Variants in DCC observed in about 807,000 individuals in gnomAD.
DCC encodes netrin receptor DCC.
Under a neutral mutation model 172.5 loss-of-function variants are expected in DCC, and 58 were observed. The observed-to-expected ratio is 0.34, with a 90% CI of 0.27 to 0.42. The LOEUF is 0.42. Ranked by LOEUF, DCC falls within the 10% of genes least tolerant of loss-of-function variation. DCC has a pLI of 1.00. For synonymous variants in DCC, 709 were observed against 644.5 expected (o/e 1.10, Z -1.52); for missense variants, 1,740 against 1,791.0 (o/e 0.97, Z 0.51).
At chr18:53,216,268 G>A (rs1332892386) in intron 12 of DCC, among the ~76,000 whole-genome samples, 1 of 152,118 alleles carries the variant, frequency 6.6e-6, no homozygotes, top group African/African-American at 2.4e-5. Context: ...ACCTAGTAGA[G>A]TATAACAAAT....
chr18:53,486,734 C>A (rs569485713), intron 25 of DCC, 63 bp from the exon 26 acceptor site: 1 of 1,610,564 alleles, frequency 6.2e-7, no homozygotes, highest in Admixed American at 1.7e-5. Context: ...CCACCGTTTT[C>A]TTTTTTGCTT....
At chr18:53,290,807 A>C (rs1025710375) in intron 12 of DCC, among the ~76,000 whole-genome samples, 4 of 152,150 alleles carry the variant, frequency 2.6e-5, no homozygotes, top group Non-Finnish European at 5.9e-5. Flanking sequence ...TTGCAATTAT[A>C]TTTCTCCCAT....
chr18:52,370,507 G>A (rs1474314770), intron 1 of DCC, among the ~76,000 whole-genome samples: 1 of 152,170 alleles, frequency 6.6e-6, no homozygotes, highest in African/African-American at 2.4e-5. Context: ...AGTGGGAACT[G>A]AATGATGAGA....
chr18:52,577,208 C>T (rs2033435491), intron 1 of DCC, among the ~76,000 whole-genome samples: 1 of 152,222 alleles, frequency 6.6e-6, no homozygotes, highest in Admixed American at 6.5e-5. Context: ...TATTTCTGCA[C>T]ATCCTTGCAG....
At chr18:52,620,146 G>A (rs1046635761) in intron 1 of DCC, among the ~76,000 whole-genome samples, 2 of 152,208 alleles carry the variant, frequency 1.3e-5, no homozygotes, top group African/African-American at 4.8e-5. Flanking sequence ...TGGATTTGGA[G>A]ACTGAATTTA....
At chr18:53,380,323 C>T (rs1446311879) in intron 15 of DCC, among the ~76,000 whole-genome samples, 1 of 152,188 alleles carries the variant, frequency 6.6e-6, no homozygotes, top group African/African-American at 2.4e-5. Context: ...CCCTCATTCT[C>T]TCTTGCTCCC....
chr18:52,920,562 T>C (rs919756846), intron 3 of DCC, among the ~76,000 whole-genome samples: 10 of 152,094 alleles, frequency 6.6e-5, no homozygotes, highest in African/African-American at 2.4e-4. Flanking sequence ...CTGACAAGGA[T>C]GTAGAACTTT....
intron 2 of DCC, among the ~76,000 whole-genome samples, chr18:52,872,698 T>C (rs73456897): frequency 2.6e-4 from 39 of 152,298 alleles, no homozygotes; most frequent in African/African-American, 9.4e-4. Context: ...GAACCCTCAA[T>C]GCAAAGACTT....
intron 1 of DCC, among the ~76,000 whole-genome samples, chr18:52,646,055 A>T (rs2035011909): frequency 6.6e-6 from 1 of 152,152 alleles, no homozygotes; most frequent in South Asian, 2.1e-4. Flanking sequence ...ACTGGAGAGG[A>T]GGAAGGGGTT....
intron 7 of DCC, among the ~76,000 whole-genome samples, chr18:53,067,752 A>G (rs770551477): frequency 1.3e-5 from 2 of 152,220 alleles, no homozygotes; most frequent in African/African-American, 2.4e-5. Flanking sequence ...ATCATGTTAC[A>G]TACATTTCAA....
At chr18:53,297,467 G>A (rs927670603) in intron 12 of DCC, among the ~76,000 whole-genome samples, 5 of 152,152 alleles carry the variant, frequency 3.3e-5, no homozygotes, top group African/African-American at 1.2e-4. Flanking sequence ...CAAGTGATAA[G>A]GATTAATTTC....
intron 26 of DCC, among the ~76,000 whole-genome samples, chr18:53,492,207 A>C (rs958191018): frequency 9.9e-5 from 15 of 152,138 alleles, no homozygotes; most frequent in African/African-American, 3.1e-4. Context: ...CTAAATAAAT[A>C]TTAGTCTTTT....
At chr18:52,444,589 A>AAT (rs1240245035) in intron 1 of DCC, among the ~76,000 whole-genome samples, 1 of 152,222 alleles carries the variant, frequency 6.6e-6, no homozygotes, top group Non-Finnish European at 1.5e-5. Context: ...TTTGCATTTG[A>AAT]ATATGGAATA....
At chr18:53,337,707 A>G (rs1239776647) in intron 14 of DCC, among the ~76,000 whole-genome samples, 1 of 152,230 alleles carries the variant, frequency 6.6e-6, no homozygotes, top group Non-Finnish European at 1.5e-5. Flanking sequence ...ATCTTTTGAA[A>G]AGCTTTAGAA....
At chr18:52,614,516 G>A (rs1370394318) in intron 1 of DCC, among the ~76,000 whole-genome samples, 4 of 152,176 alleles carry the variant, frequency 2.6e-5, no homozygotes, top group African/African-American at 9.7e-5. Context: ...GCTTGTGACA[G>A]TGTTGACGGC....
chr18:52,902,865 C>G (rs2039829574), intron 2 of DCC, among the ~76,000 whole-genome samples: 2 of 152,160 alleles, frequency 1.3e-5, no homozygotes, highest in Admixed American at 1.3e-4. Context: ...TTTATAATTT[C>G]TCACTATGAC....
At chr18:52,687,205 T>A (rs1269648152) in intron 1 of DCC, among the ~76,000 whole-genome samples, 1 of 152,038 alleles carries the variant, frequency 6.6e-6, no homozygotes, top group African/African-American at 2.4e-5. Context: ...TATGGATACA[T>A]CTTGAATCAC....
At chr18:53,470,735 G>A (rs556000765) in intron 25 of DCC, among the ~76,000 whole-genome samples, 32 of 151,852 alleles carry the variant, frequency 2.1e-4, no homozygotes, top group East Asian at 5.9e-4. Context: ...GAGAGAGAGA[G>A]AAAAAACGAA....
At chr18:52,992,051 T>G (rs1255214442) in intron 5 of DCC, among the ~76,000 whole-genome samples, 2 of 152,190 alleles carry the variant, frequency 1.3e-5, no homozygotes, top group Non-Finnish European at 2.9e-5. Context: ...TACAACCTCA[T>G]GAGGTGTTAT....
Sources: gnomAD v4.1 joint callset for allele counts (sites outside exome capture counted in the v4.1 genomes callset) on GRCh38, gnomAD v4.1.1 for gene constraint, MANE v1.5 for transcripts, NCBI Gene and HGNC (gene_info 2026-07-23, HGNC 2026-07-21) for gene names.